The following MTHFSD variants were observed in gnomAD, a reference collection of about 807,000 sequenced individuals.
MTHFSD encodes the protein methenyltetrahydrofolate synthetase domain containing.
Under a neutral mutation model 31.1 loss-of-function variants are expected in MTHFSD, and 37 were observed. The observed-to-expected ratio is 1.19, with a 90% CI of 0.91 to 1.56. The LOEUF (loss-of-function observed/expected upper bound fraction) is 1.56. MTHFSD is among the 40% of genes most tolerant of loss of function. The probability of loss-of-function intolerance (pLI) is 0.00; values close to 1 mark genes in which losing one functional copy is unlikely to be tolerated. For missense variants in MTHFSD, 664 were observed against 510.1 expected, an observed-to-expected ratio of 1.30 and a Z score of -2.91; for synonymous variants, 221 against 206.9, an observed-to-expected ratio of 1.07 and a Z score of -0.59.
chr16:86,537,407 T>TC (rs1567532663), intron 7 of MTHFSD, among the ~76,000 whole-genome samples: 1 of 152,002 alleles, frequency 6.6e-6, no homozygotes, highest in Non-Finnish European at 1.5e-5. Flanking sequence ...TTAAATGGAC[T>TC]CCCCCCACCC....
chr16:86,548,607 C>T (rs765771327), intron 3 of MTHFSD, 30 bp from the exon 4 acceptor site: 6 of 1,544,318 alleles, frequency 3.9e-6, no homozygotes, highest in South Asian at 3.5e-5. Context: ...CAATAAATTA[C>T]AAAATCAAAT....
chr16:86,550,524 C>T (rs980002275), intron 3 of MTHFSD, among the ~76,000 whole-genome samples: 8 of 152,188 alleles, frequency 5.3e-5, no homozygotes, highest in African/African-American at 1.9e-4. Flanking sequence ...AGTCAGAATC[C>T]TGGCTGTACT....
At chr16:86,554,864 C>T in intron 1 of MTHFSD, 113 bp from the exon 2 acceptor site, 1 of 1,085,438 alleles carries the variant, frequency 9.2e-7, no homozygotes. Flanking sequence ...GGCTTCCGAT[C>T]CTGTTCCTGA....
Position 86,531,756 on chromosome 16 carries a change from T to C in MTHFSD, c.*255A>G. ...TCCCTCCAGAGAAACAGAAACCGACTCAAGGCCCGAGCCTGCACGATTGGG... is the reference window on the plus strand; with the variant it reads ...TCCCTCCAGAGAAACAGAAACCGACCCAAGGCCCGAGCCTGCACGATTGGG... On this transcript the variant is annotated 3_prime_UTR_variant, in exon 8 of 8. Coordinates refer to ENST00000360900, the MANE Select transcript of MTHFSD (RefSeq NM_001159377.2). The surrounding 1 kb of genome is among the most constrained non-coding windows in gnomAD (Gnocchi z 5.5). The C allele has an allele frequency of 2.9e-6, 1 of 344,520 alleles. No homozygotes were observed. The highest frequency in any genetic ancestry group is 4.4e-5 in the East Asian group (1 of 22,960). The allele number at this position is 344,520 out of a possible 1,614,324, so 21.3% of individuals were successfully genotyped here. A position where few individuals can be genotyped will look rare whatever the true frequency, so the allele number is the denominator to read the frequency against.
At chr16:86,545,860 G>GACGA (rs1211917059) in intron 5 of MTHFSD, among the ~76,000 whole-genome samples, 1 of 152,242 alleles carries the variant, frequency 6.6e-6, no homozygotes, top group African/African-American at 2.4e-5. Context: ...CGATGACACA[G>GACGA]ACGAAGCACC....
In MTHFSD at chr16:86,531,931, C is replaced by G. The variant is rs56017283; in HGVS notation, c.*80G>C. Reference sequence around the variant, plus strand: ...GCTCCGACACGTCTTGCCACGCAGGCCTCTCGAGTGCCATCGGAACCGGAG... The same window carrying G: ...GCTCCGACACGTCTTGCCACGCAGGGCTCTCGAGTGCCATCGGAACCGGAG... On this transcript the variant is annotated 3_prime_UTR_variant, in exon 8 of 8. Transcript: ENST00000360900. The surrounding 1 kb of genome is among the most constrained non-coding windows in gnomAD (Gnocchi z 5.5). 161,868 of 997,126 alleles carry G rather than the reference C, an allele frequency of 0.16. 13,985 individuals are homozygous for G. The highest frequency in any genetic ancestry group is 0.26 in the South Asian group (12,640 of 48,508). 61.8% of individuals were successfully genotyped at this position (997,126 alleles called of 1,614,324 possible). A position where few individuals can be genotyped will look rare whatever the true frequency, so the allele number is the denominator to read the frequency against.
At position 86,532,144 on chromosome 16, in the gene MTHFSD, C is replaced by T; in HGVS notation, c.1019G>A (p.Gly340Asp). The T allele has an allele frequency of 1.3e-6, 2 of 1,560,996 alleles. No homozygotes were observed. The highest frequency in any genetic ancestry group is 1.9e-5 in the Admixed American group (1 of 53,248). The change falls in exon 8 of 8, where the codon GGC becomes GAC. Residue 340 changes from glycine (G) to aspartate (D), a missense_variant. Physicochemically the swap from Gly to Asp is moderately conservative, Grantham distance 94. Coordinates refer to ENST00000360900, the MANE Select transcript of MTHFSD (RefSeq NM_001159377.2). ...GSVPLRLTWQGPRRRAFLHYP... is the reference protein window; with the variant it reads ...GSVPLRLTWQDPRRRAFLHYP... ...ATGGAGGAAGGCTCTGCGCCGCGGG[C>T]CCTGCCAGGTGAGCCGCAGGGGCAC...
In MTHFSD at chr16:86,532,260, AC is replaced by A; in HGVS notation, c.902del (p.Gly301ValfsTer19). 1 of 1,564,632 alleles carries A rather than the reference AC, an allele frequency of 6.4e-7. No homozygotes were observed. The highest frequency in any genetic ancestry group is 8.6e-7 in the Non-Finnish European group (1 of 1,157,438). On this transcript the variant is annotated frameshift_variant, in exon 8 of 8. Coordinates refer to ENST00000360900, the MANE Select transcript of MTHFSD (RefSeq NM_001159377.2). LOFTEE classifies it low-confidence loss of function (END_TRUNC). ...CGTAAACATCGGCTGCAAGCGGGGC[AC>A]CCTCCCCTGGTGGGGAGCCAGGGGC... is the stretch of plus-strand genomic sequence containing the variant. ...EAAPGSPPGE[G>X]APLAADVYVG...
intron 7 of MTHFSD, 47 bp from the exon 8 acceptor site, chr16:86,532,528 G>T: frequency 7.5e-7 from 1 of 1,341,066 alleles, no homozygotes; most frequent in Non-Finnish European, 9.7e-7. Flanking sequence ...GAATCGCAGG[G>T]GCACCTGCCA....
chr16:86,552,529 TTGA>T (rs1973314596), intron 2 of MTHFSD, among the ~76,000 whole-genome samples: 1 of 152,164 alleles, frequency 6.6e-6, no homozygotes, highest in Non-Finnish European at 1.5e-5. Flanking sequence ...AGGGCAAAAT[TTGA>T]TGATTTTTCA....
chr16:86,547,653 G>T, intron 4 of MTHFSD: 1 of 627,670 alleles, frequency 1.6e-6, no homozygotes, highest in Non-Finnish European at 2.0e-6. Context: ...TTTTTCCTTT[G>T]CTCCTTTCTC....
At chr16:86,537,949 T>C (rs1483837043) in intron 7 of MTHFSD, among the ~76,000 whole-genome samples, 9 of 152,160 alleles carry the variant, frequency 5.9e-5, no homozygotes, top group Admixed American at 1.3e-4. Flanking sequence ...GCCAACCCCG[T>C]GGTAATCAGG....
Position 86,546,641 on chromosome 16 carries a change from C to T in MTHFSD, c.360G>A (p.Arg120=). Reference sequence around the variant, plus strand: ...CCAAGCCTATGGGGACACTGTAGTTCCTCACACCCTGCACACAGAGATACG... The same window carrying T: ...CCAAGCCTATGGGGACACTGTAGTTTCTCACACCCTGCACACAGAGATACG... ...LRKCATSQGV[R]NYSVPIGLDS... The change falls in exon 5 of 8, where the codon AGG becomes AGA. Residue 120 remains arginine (R), a synonymous_variant. Coordinates refer to ENST00000360900, the MANE Select transcript of MTHFSD (RefSeq NM_001159377.2). 1 of 1,613,092 alleles carries T rather than the reference C, an allele frequency of 6.2e-7. No homozygotes were observed. Among genetic ancestry groups the T allele is most frequent in the Non-Finnish European group, 8.5e-7 (1 of 1,179,510 alleles).
rs774276880 is a variant in MTHFSD at position 86,548,563 on chromosome 16, C to T, written c.252G>A (p.Leu84=). 1.9e-5 allele frequency: 30 copies of T among 1,609,770 alleles called. No individual in the cohort carries two copies. Among genetic ancestry groups the T allele is most frequent in the Non-Finnish European group, 8.5e-7 (1 of 1,178,840 alleles). Residue 84 remains leucine, a synonymous_variant, in exon 4 of 8, where the codon TTG becomes TTA. Coordinates refer to ENST00000360900, the MANE Select transcript of MTHFSD (RefSeq NM_001159377.2). ...RLLVLQSKKT[L]LVPTPRLRTG... ...TTCTCAGTCGTGGTGTTGGAACCAACAATGTTTTTTTGCTCTTTTAAAGAA... is the reference window on the plus strand; with the variant it reads ...TTCTCAGTCGTGGTGTTGGAACCAATAATGTTTTTTTGCTCTTTTAAAGAA...
intron 7 of MTHFSD, chr16:86,532,718 G>C (rs967081568): frequency 1.4e-5 from 5 of 357,420 alleles, no homozygotes; most frequent in Non-Finnish European, 2.5e-5. Context: ...ACTCACGGGG[G>C]CTCTGGAGCG....
Position 86,548,475 on chromosome 16 carries a change from C to T in MTHFSD, c.340G>A (p.Ala114Thr). The change falls in exon 4 of 8, where the codon GCC (alanine) becomes ACC (threonine). Residue 114 changes from alanine (A) to threonine (T), a missense_variant. Ala to Thr is a moderately conservative substitution (Grantham distance 58). Transcript: ENST00000360900. ...GATKDILRKC[A>T]TSQGVRNYSV... The stretch of plus-strand genomic sequence containing the variant: ...CTTCTGGTACTTACCTGAGAGGTGG[C>T]ACATTTTCTCAAGATGTCTTTAGTT... The T allele has an allele frequency of 1.2e-6, 2 of 1,613,382 alleles. No homozygotes were observed. Among genetic ancestry groups the T allele is most frequent in the African/African-American group, 2.7e-5 (2 of 75,036 alleles).
At chr16:86,547,320 A>G (rs575193922) in intron 4 of MTHFSD, 3 of 985,818 alleles carry the variant, frequency 3.0e-6, no homozygotes, top group Admixed American at 6.1e-5. Flanking sequence ...CATGGTTCTC[A>G]TAACACGGTT....
At chr16:86,541,242 G>C (rs192376870) in intron 7 of MTHFSD, 271 of 1,287,612 alleles carry the variant, frequency 2.1e-4, no homozygotes, top group Non-Finnish European at 2.7e-4. Context: ...CAAAGGCTTG[G>C]TACTGCCTCC....
intron 7 of MTHFSD, chr16:86,535,555 A>G (rs1970575612): frequency 1.0e-6 from 1 of 977,114 alleles, no homozygotes; most frequent in South Asian, 4.7e-5. Flanking sequence ...TTACTCAAAC[A>G]TGAGAAAACA....
Sources: gnomAD v4.1 joint callset for allele counts (sites outside exome capture counted in the v4.1 genomes callset) on GRCh38, gnomAD v4.1.1 for gene constraint, Gnocchi (gnomAD v3.1) non-coding constraint, MANE v1.5 for transcripts, NCBI Gene and HGNC (gene_info 2026-07-23, HGNC 2026-07-21) for gene names.